The following IQCE variants were observed in gnomAD, a reference collection of about 807,000 sequenced individuals.
The protein encoded by IQCE is IQ motif containing E.
Under a neutral mutation model 96.0 loss-of-function variants are expected in IQCE, and 115 were observed. The ratio of observed to expected loss-of-function variants is 1.20; its 90% confidence interval spans 1.03 to 1.40. The LOEUF is 1.40. Among genes scored for constraint, IQCE ranks in the 40% most tolerant of loss-of-function variants. IQCE has a pLI of 0.00. For missense variants in IQCE, 1,041 were observed against 909.1 expected (o/e 1.15, Z -1.87); for synonymous variants, 412 against 371.2 (o/e 1.11, Z -1.26).
rs111608166 is a variant in IQCE at position 2,585,091 on chromosome 7, G to A, written c.824+806G>A. 9.3e-3 allele frequency among the ~76,000 whole-genome samples: 1,397 copies of A among 150,154 alleles called. 22 individuals carry two copies. The highest frequency in any genetic ancestry group is 0.032 in the African/African-American group (1,311 of 40,736). On this transcript the variant is annotated intron_variant, in intron 11 of 21. Coordinates refer to ENST00000402050, the MANE Select transcript of IQCE (RefSeq NM_152558.5). ...GCAAATGTTGCCCAGGCTGGAGTGCGGTGGTGTGATCTCAGCTCACTGCAA... is the reference window on the plus strand; with the variant it reads ...GCAAATGTTGCCCAGGCTGGAGTGCAGTGGTGTGATCTCAGCTCACTGCAA...
rs745846403 is a variant in IQCE at position 2,584,236 on chromosome 7, G to C, written c.775G>C (p.Val259Leu). ...RIAMETYYEE[V>L]HRLQTLLASS... ...ATGCATTTCAATTTGGTATTTACAG[G>C]TGCATCGTCTCCAGACCCTCTTGGC... The change falls in exon 11 of 22, where the codon GTG becomes CTG. Residue 259 changes from valine to leucine, a missense_variant and splice_region_variant. Transcript: ENST00000402050. 3.1e-6 allele frequency: 5 copies of C among 1,613,648 alleles called. No individual in the cohort carries two copies. Among genetic ancestry groups the C allele is most frequent in the Non-Finnish European group, 4.2e-6 (5 of 1,179,512 alleles).
At chr7:2,572,357 C>T in intron 5 of IQCE, 31 bp downstream of exon 5, 2 of 1,606,000 alleles carry the variant, frequency 1.2e-6, no homozygotes, top group Non-Finnish European at 1.7e-6. Flanking sequence ...GAGGCTGAGG[C>T]CAAGGAAGAG....
At chr7:2,565,864 T>A (rs1781334923) in intron 1 of IQCE, among the ~76,000 whole-genome samples, 1 of 152,206 alleles carries the variant, frequency 6.6e-6, no homozygotes, top group Non-Finnish European at 1.5e-5. Flanking sequence ...GAATGCACCG[T>A]CTTTCCTTTG....
rs781001202 is a variant in IQCE, at chr7:2,567,139, C to T, written c.60C>T (p.Val20=). The change falls in exon 2 of 22, where the codon GTC becomes GTT. Residue 20 remains valine, a synonymous_variant. Coordinates refer to ENST00000402050, the MANE Select transcript of IQCE (RefSeq NM_152558.5). ...AGGGAGATGACAGTCTGTCTGCAGT[C>T]ACCTTTGACTCTGATGTGGAGACGG... ...LDTGDDSLSA[V]TFDSDVETKA... 5.0e-6 allele frequency: 8 copies of T among 1,613,806 alleles called. No individual in the cohort carries two copies. In the African/African-American group the frequency reaches 9.3e-5, roughly 19 times the overall value.
chr7:2,587,381 G>A (rs771149111), intron 12 of IQCE, among the ~76,000 whole-genome samples: 4 of 151,418 alleles, frequency 2.6e-5, no homozygotes, highest in Non-Finnish European at 5.9e-5. Context: ...AGGAGCAGGG[G>A]GTCAGGCCCT....
chr7:2,603,719 G>A (rs981068380), intron 18 of IQCE, among the ~76,000 whole-genome samples: 4 of 152,200 alleles, frequency 2.6e-5, no homozygotes, highest in African/African-American at 4.8e-5. Flanking sequence ...GTCGTTCACC[G>A]TTAATAGCCG....
At chr7:2,589,021 A>C (rs1783366014) in intron 13 of IQCE, among the ~76,000 whole-genome samples, 1 of 152,108 alleles carries the variant, frequency 6.6e-6, no homozygotes. Flanking sequence ...GGCCAAGCAA[A>C]ATAAACCTAG....
At chr7:2,604,182 T>G (rs1025579391) in intron 18 of IQCE, among the ~76,000 whole-genome samples, 36 of 152,058 alleles carry the variant, frequency 2.4e-4, no homozygotes, top group Admixed American at 7.9e-4. Context: ...GAGACAGGTT[T>G]TTACCATATT....
At chr7:2,601,710 C>A in intron 18 of IQCE, 1 of 438,184 alleles carries the variant, frequency 2.3e-6, no homozygotes, top group Non-Finnish European at 4.1e-6. Flanking sequence ...CCACTGTGCC[C>A]AGCTAATTTT....
At chr7:2,605,636 G>GTAAA (rs10527603) in intron 19 of IQCE, among the ~76,000 whole-genome samples, 43,646 of 148,748 alleles carry the variant, frequency 0.29, 6,756 homozygotes, top group East Asian at 0.49. Flanking sequence ...AAATAAATAA[G>GTAAA]TAAATAAATA....
chr7:2,559,171 G>T lies in IQCE; in HGVS notation c.-11G>T. 8.2e-7 allele frequency: 1 copy of T among 1,214,098 alleles called. No individual in the cohort carries two copies. The highest frequency in any genetic ancestry group is 1.0e-6 in the Non-Finnish European group (1 of 976,016). 75.2% of individuals were successfully genotyped at this position (1,214,098 alleles called of 1,614,324 possible). A position where few individuals can be genotyped will look rare whatever the true frequency, so the allele number is the denominator to read the frequency against. ...AGCAACCCTGAGGGGCGGCCGGGCA[G>T]CGCCGCCACCATGTTCCTGGGCACC... On this transcript the variant is annotated 5_prime_UTR_variant, in exon 1 of 22. Transcript: ENST00000402050.
chr7:2,559,765 T>TGGGGGGGGGG (rs59372092), intron 1 of IQCE, among the ~76,000 whole-genome samples: 2 of 34,856 alleles, frequency 5.7e-5, no homozygotes, highest in African/African-American at 1.3e-4. Context: ...TGCATTCCAG[T>TGGGGGGGGGG]GGGGGGGGGG....
Position 2,578,248 on chromosome 7 carries a change from C to A in IQCE, c.472C>A (p.His158Asn). The A allele has an allele frequency of 6.2e-7, 1 of 1,612,748 alleles. No homozygotes were observed. Among genetic ancestry groups the A allele is most frequent in the Non-Finnish European group, 8.5e-7 (1 of 1,178,974 alleles). ...TGGCCCTTGTTTTCTTCAGTCATTG[C>A]ACGTGCAGAAGAGCGACGTGGACCT... Reference protein sequence around the residue: ...DEIIELKKSLHVQKSDVDLMR... With the variant: ...DEIIELKKSLNVQKSDVDLMR... The change falls in exon 7 of 22, where the codon CAC becomes AAC. Residue 158 changes from histidine (H) to asparagine (N), a missense_variant. Transcript: ENST00000402050.
At chr7:2,597,242 T>G in intron 16 of IQCE, 1 of 416,706 alleles carries the variant, frequency 2.4e-6, no homozygotes, top group Non-Finnish European at 5.0e-6. Flanking sequence ...CCTGGGTGAT[T>G]AAGGCTGAGA....
chr7:2,574,864 T>C (rs1416712817), intron 6 of IQCE, among the ~76,000 whole-genome samples: 2 of 152,218 alleles, frequency 1.3e-5, no homozygotes, highest in African/African-American at 4.8e-5. Flanking sequence ...CATCCTGCAG[T>C]TGAGCCCGTT....
chr7:2,578,206 G>T, intron 6 of IQCE, 36 bp from the exon 7 acceptor site: 1 of 1,510,062 alleles, frequency 6.6e-7, no homozygotes, highest in Non-Finnish European at 9.2e-7. Flanking sequence ...GCGCAGCTTC[G>T]TGTGGATGGC....
At chr7:2,605,536 G>C (rs916301624) in intron 19 of IQCE, among the ~76,000 whole-genome samples, 10 of 152,124 alleles carry the variant, frequency 6.6e-5, no homozygotes, top group African/African-American at 1.9e-4. Flanking sequence ...AGGAGAATGG[G>C]GTGAACCCGG....
intron 16 of IQCE, 104 bp from the exon 17 acceptor site, chr7:2,598,361 A>T (rs1287521064): frequency 8.6e-7 from 1 of 1,161,916 alleles, no homozygotes; most frequent in Non-Finnish European, 1.2e-6. Context: ...GACTCACCTG[A>T]TAAGCGCAGC....
intron 6 of IQCE, 27 bp downstream of exon 6, chr7:2,573,515 A>G: frequency 2.4e-6 from 3 of 1,234,672 alleles, no homozygotes; most frequent in Non-Finnish European, 3.6e-6. Context: ...TTCTCTATTG[A>G]TTTGAAACGG....
Sources: allele counts gnomAD v4.1 joint callset (sites outside exome capture counted in the v4.1 genomes callset), GRCh38; gene constraint gnomAD v4.1.1; transcripts MANE v1.5; gene names NCBI Gene and HGNC (gene_info 2026-07-23, HGNC 2026-07-21).